NIBAN1: variants seen among roughly 807,000 people sequenced by gnomAD.
NIBAN1 encodes protein Niban 1.
NIBAN1 carries 81 observed loss-of-function variants against 75.1 expected under a neutral mutation model. The observed-to-expected ratio is 1.08, with a 90% CI of 0.90 to 1.30. The LOEUF is 1.30. Among genes scored for constraint, NIBAN1 ranks in the 50% most tolerant of loss-of-function variants. The pLI is 0.00. For missense variants in NIBAN1, 1,133 were observed against 1,128.1 expected (o/e 1.00, Z -0.06); for synonymous variants, 436 against 424.8 (o/e 1.03, Z -0.32).
chr1:184,820,876 A>G (rs908242448), intron 8 of NIBAN1, among the ~76,000 whole-genome samples: 2 of 152,236 alleles, frequency 1.3e-5, no homozygotes, highest in Non-Finnish European at 1.5e-5. Context: ...AAGTGCTTAC[A>G]ACTCTGGAAG....
chr1:184,885,354 T>C (rs1656495938), intron 4 of NIBAN1, among the ~76,000 whole-genome samples: 2 of 152,034 alleles, frequency 1.3e-5, no homozygotes, highest in Admixed American at 6.5e-5. Flanking sequence ...TTTGTATTAT[T>C]TGTAGAGACA....
In NIBAN1 at chr1:184,792,528, C is replaced by G. The variant is rs965805994; in HGVS notation, c.*2449G>C. 1 of 152,732 alleles carries G rather than the reference C, an allele frequency of 6.5e-6. No individual in the cohort carries two copies. Among genetic ancestry groups the G allele is most frequent in the African/African-American group, 2.4e-5 (1 of 41,464 alleles). The allele number at this position is 152,732 out of a possible 1,614,324, so 9.5% of individuals were successfully genotyped here. ...ACTCCACACTACTGTCCCAGGGAGT[C>G]GGGCAGCCTTTGTGGGGCTGGGCAC... On this transcript the variant is annotated 3_prime_UTR_variant, in exon 14 of 14. Coordinates refer to ENST00000367511, the MANE Select transcript of NIBAN1 (RefSeq NM_052966.4).
chr1:184,882,290 G>A (rs1656397537), intron 5 of NIBAN1, among the ~76,000 whole-genome samples: 1 of 152,152 alleles, frequency 6.6e-6, no homozygotes, highest in Non-Finnish European at 1.5e-5. Context: ...ATAATACAAT[G>A]AGTAACAGGC....
chr1:184,861,545 G>A (rs1037942640), intron 5 of NIBAN1, among the ~76,000 whole-genome samples: 1 of 150,534 alleles, frequency 6.6e-6, no homozygotes, highest in African/African-American at 2.4e-5. Flanking sequence ...AGGGAGGAAG[G>A]GAGGGAGGAA....
At chr1:184,952,263 G>C (rs1658375922) in intron 1 of NIBAN1, among the ~76,000 whole-genome samples, 1 of 152,162 alleles carries the variant, frequency 6.6e-6, no homozygotes. Flanking sequence ...AATAAGCCAG[G>C]TGTGGTGGCA....
chr1:184,916,304 T>C (rs1254065730), intron 1 of NIBAN1, among the ~76,000 whole-genome samples: 1 of 152,154 alleles, frequency 6.6e-6, no homozygotes, highest in Non-Finnish European at 1.5e-5. Context: ...AAAAAGAAAG[T>C]TGTAATAGGT....
chr1:184,860,014 T>C (rs530825211), intron 5 of NIBAN1, among the ~76,000 whole-genome samples: 61 of 152,086 alleles, frequency 4.0e-4, no homozygotes, highest in African/African-American at 1.3e-3. Flanking sequence ...TGGGGAGGCA[T>C]TGGGAAGTGG....
chr1:184,851,796 T>C, intron 5 of NIBAN1, among the ~76,000 whole-genome samples: 1 of 152,098 alleles, frequency 6.6e-6, no homozygotes, highest in East Asian at 1.9e-4. Context: ...TATGAAATGT[T>C]ACACTGTTAA....
chr1:184,853,728 C>T (rs1655603788), intron 5 of NIBAN1, among the ~76,000 whole-genome samples: 1 of 152,064 alleles, frequency 6.6e-6, no homozygotes, highest in South Asian at 2.1e-4. Context: ...TGTGCGCACA[C>T]ACAAAAATAC....
chr1:184,867,376 T>C (rs1337734116), intron 5 of NIBAN1, among the ~76,000 whole-genome samples: 1 of 152,202 alleles, frequency 6.6e-6, no homozygotes, highest in Non-Finnish European at 1.5e-5. Flanking sequence ...AAACCACCTA[T>C]GTTCTTAGCA....
At chr1:184,911,509 G>C (rs903413668) in intron 1 of NIBAN1, among the ~76,000 whole-genome samples, 1 of 152,152 alleles carries the variant, frequency 6.6e-6, no homozygotes, top group African/African-American at 2.4e-5. Context: ...TCGCATTCAG[G>C]TGTTCCAATT....
At chr1:184,965,052 C>G (rs985709237) in intron 1 of NIBAN1, among the ~76,000 whole-genome samples, 1 of 152,190 alleles carries the variant, frequency 6.6e-6, no homozygotes, top group Non-Finnish European at 1.5e-5. Flanking sequence ...GTAATCCCAG[C>G]ACTTTGGGAT....
intron 12 of NIBAN1, 94 bp downstream of exon 12, chr1:184,803,491 C>G (rs1289790938): frequency 2.2e-6 from 2 of 910,018 alleles, no homozygotes; most frequent in Admixed American, 4.3e-5. Context: ...CCTCCCTGGT[C>G]TAGTCTGCTG....
At position 184,926,338 on chromosome 1, in the gene NIBAN1, A is replaced by C. The variant is rs181288717; in HGVS notation, c.56-27029T>G. ...CTGCAACCTCCACCTCCCGGGTTCA[A>C]GTGATTCTCCTGTCTCAGACTCCAG... On this transcript the variant is annotated intron_variant, in intron 1 of 13. Coordinates refer to ENST00000367511, the MANE Select transcript of NIBAN1 (RefSeq NM_052966.4). Among the ~76,000 whole-genome samples, 127 of 152,286 alleles carry C rather than the reference A, an allele frequency of 8.3e-4. 2 individuals carry two copies. Among genetic ancestry groups the C allele is most frequent in the African/African-American group, 2.9e-3 (122 of 41,578 alleles).
Position 184,818,830 on chromosome 1 carries a change from G to A in NIBAN1, c.986-5C>T. ...CCGCCGGCTGGGCCACCATCGCTGA[G>A]GTAGGAAATAGCCAAAAAACCGTGA... On this transcript the variant is annotated splice_polypyrimidine_tract_variant and splice_region_variant and intron_variant, in intron 8 of 13. Transcript: ENST00000367511. 1 of 1,580,610 alleles carries A rather than the reference G, an allele frequency of 6.3e-7. No individual in the cohort carries two copies. Among genetic ancestry groups the A allele is most frequent in the Non-Finnish European group, 8.6e-7 (1 of 1,158,382 alleles).
chr1:184,954,639 G>C (rs114146260), intron 1 of NIBAN1, among the ~76,000 whole-genome samples: 13 of 152,308 alleles, frequency 8.5e-5, no homozygotes, highest in Non-Finnish European at 1.5e-4. Context: ...TGGAAAAAAG[G>C]CTTGTCATTT....
intron 5 of NIBAN1, among the ~76,000 whole-genome samples, chr1:184,883,426 A>G (rs779612894): frequency 5.3e-5 from 8 of 152,234 alleles, no homozygotes; most frequent in Non-Finnish European, 1.0e-4. Context: ...AGAGGCTGGC[A>G]CAGAGTAAGC....
In NIBAN1 at chr1:184,795,821, G is replaced by T; in HGVS notation, c.1943C>A (p.Pro648His). The T allele has an allele frequency of 4.3e-6, 7 of 1,609,684 alleles. No homozygotes were observed. The highest frequency in any genetic ancestry group is 5.9e-6 in the Non-Finnish European group (7 of 1,177,438). The change falls in exon 14 of 14, where the codon CCC becomes CAC. Residue 648 changes from proline to histidine, a missense_variant. By Grantham distance (77) the Pro-to-His change is moderately conservative (BLOSUM62 -2). Coordinates refer to ENST00000367511, the MANE Select transcript of NIBAN1 (RefSeq NM_052966.4). ...AATCACCTGCTCAGTCCCATCTGGGGGTGGGCTTGGCCCAGGGAGAGAAAG... is the reference window on the plus strand; with the variant it reads ...AATCACCTGCTCAGTCCCATCTGGGTGTGGGCTTGGCCCAGGGAGAGAAAG... ...ESLSLPGPSP[P>H]PDGTEQVIIS...
chr1:184,796,379 A>G (rs1485861044), intron 13 of NIBAN1, among the ~76,000 whole-genome samples: 1 of 152,140 alleles, frequency 6.6e-6, no homozygotes, highest in Admixed American at 6.5e-5. Context: ...TTTTCAAGAC[A>G]CTCAGGGTCT....
Sources: allele counts gnomAD v4.1 joint callset (sites outside exome capture counted in the v4.1 genomes callset), GRCh38; gene constraint gnomAD v4.1.1; transcripts MANE v1.5; gene names NCBI Gene and HGNC (gene_info 2026-07-23, HGNC 2026-07-21).